The following HOMER3 variants were observed in gnomAD, a reference collection of about 807,000 sequenced individuals.
HOMER3 encodes the protein homer protein homolog 3.
A neutral mutation model predicts 45.5 loss-of-function variants in HOMER3; 34 were observed. The ratio of observed to expected loss-of-function variants is 0.75; its 90% CI spans 0.57 to 1.00. The LOEUF is 1.00. HOMER3 is among the 50% of genes least tolerant of loss of function. The pLI is 0.00. For missense variants in HOMER3, 480 were observed against 497.5 expected, an observed-to-expected ratio of 0.96 and a Z score of 0.33; for synonymous variants, 223 against 208.8, an observed-to-expected ratio of 1.07 and a Z score of -0.58.
chr19:18,929,502 G>C lies in HOMER3; in HGVS notation c.1027C>G (p.Leu343Val). The C allele has an allele frequency of 1.3e-6, 2 of 1,593,482 alleles. No homozygotes were observed. The highest frequency in any genetic ancestry group is 1.7e-6 in the Non-Finnish European group (2 of 1,172,292). Reference sequence around the variant, plus strand: ...TCACGCAGCTCACTCAGCTCAAACAGGCTGACGTCCAGCAGCTGCGCTGCC... The same window carrying C: ...TCACGCAGCTCACTCAGCTCAAACACGCTGACGTCCAGCAGCTGCGCTGCC... ...GRAAQLLDVS[L>V]FELSELREGL... is the part of the protein sequence containing the mutation. The change falls in exon 10 of 10, where the codon CTG becomes GTG. Residue 343 changes from leucine to valine, a missense_variant. By Grantham distance (32) the Leu-to-Val change is conservative (BLOSUM62 1). Coordinates refer to ENST00000392351, the MANE Select transcript of HOMER3 (RefSeq NM_004838.4).
Position 18,929,550 on chromosome 19 carries a change from G to A in HOMER3, c.979C>T (p.Arg327Trp), listed in dbSNP as rs1401306695. The A allele has an allele frequency of 4.5e-6, 7 of 1,554,196 alleles. No individual in the cohort carries two copies. The African/African-American group carries it at 5.4e-5, about 12-fold the overall frequency. The stretch of plus-strand genomic sequence containing the variant: ...GCCCGGCCCACCTCAGCCCGCGCCC[G>A]CTCCCGCTCTGCCCGTGCCTCCTCC... The part of the protein sequence containing the change: ...SLEEARAERE[R>W]ARAEVGRAAQ... The change falls in exon 10 of 10, where the codon CGG becomes TGG. Residue 327 changes from arginine (R) to tryptophan (W), a missense_variant. Arg to Trp is a moderately radical substitution (Grantham distance 101, BLOSUM62 -3). Transcript: ENST00000392351.
intron 4 of HOMER3, 128 bp downstream of exon 4, chr19:18,938,225 A>C (rs2057115099): frequency 9.5e-7 from 1 of 1,053,166 alleles, no homozygotes; most frequent in African/African-American, 1.6e-5. Context: ...TTCAGTCTCA[A>C]CTCATCCTAC....
chr19:18,938,755 G>A lies in HOMER3; in HGVS notation c.144C>T (p.Tyr48=). The change falls in exon 3 of 10, where the codon TAC becomes TAT. Residue 48 remains tyrosine (Y), a synonymous_variant. Transcript: ENST00000392351. ...TGGCGCCTCCGATGCTGATGATGCGGTACACATTGCGGGTGGCATCGTAGA... is the reference window on the plus strand; with the variant it reads ...TGGCGCCTCCGATGCTGATGATGCGATACACATTGCGGGTGGCATCGTAGA... The part of the protein sequence containing the change: ...SYFYDATRNV[Y]RIISIGGAKA... 6.3e-7 allele frequency: 1 copy of A among 1,598,524 alleles called. No individual in the cohort carries two copies. Among genetic ancestry groups the A allele is most frequent in the Non-Finnish European group, 8.5e-7 (1 of 1,172,870 alleles).
At position 18,929,335 on chromosome 19, in the gene HOMER3, T is replaced by G; in HGVS notation, c.*108A>C. On this transcript the variant is annotated 3_prime_UTR_variant, in exon 10 of 10. Transcript: ENST00000392351. ...CAGCCCGGCCCGGCCCACCCAGGGC[T>G]AAGTTGGGACCCCCCAGTCCCTTTC... 8.1e-7 allele frequency: 1 copy of G among 1,229,048 alleles called. No homozygotes were observed. The highest frequency in any genetic ancestry group is 1.2e-6 in the Non-Finnish European group (1 of 846,812). The allele number at this position is 1,229,048 out of a possible 1,614,324, so 76.1% of individuals were successfully genotyped here.
chr19:18,932,778 A>G (rs955913352), intron 6 of HOMER3, 146 bp downstream of exon 6: 50 of 597,868 alleles, frequency 8.4e-5, no homozygotes, highest in African/African-American at 3.7e-4. Flanking sequence ...TGGATGGGGC[A>G]GCATTCAGAT....
At chr19:18,937,532 C>G (rs1363588049) in intron 4 of HOMER3, among the ~76,000 whole-genome samples, 1 of 151,636 alleles carries the variant, frequency 6.6e-6, no homozygotes, top group South Asian at 2.1e-4. Context: ...ATTAGCTGGG[C>G]GAGGTGGTGG....
chr19:18,933,100 G>A, intron 5 of HOMER3, 55 bp from the exon 6 acceptor site: 1 of 1,423,952 alleles, frequency 7.0e-7, no homozygotes, highest in South Asian at 1.7e-5. Context: ...GATCAAGGCT[G>A]ATGTGACTGG....
At chr19:18,938,197 G>C (rs539669048) in intron 4 of HOMER3, among the ~76,000 whole-genome samples, 156 bp downstream of exon 4, 6 of 151,602 alleles carry the variant, frequency 4.0e-5, no homozygotes, top group Non-Finnish European at 7.4e-5. Flanking sequence ...GAATCAAACC[G>C]GGGAAGCTTA....
In HOMER3 at chr19:18,929,316, G is replaced by C; in HGVS notation, c.*127C>G. On this transcript the variant is annotated 3_prime_UTR_variant, in exon 10 of 10. Coordinates refer to ENST00000392351, the MANE Select transcript of HOMER3 (RefSeq NM_004838.4). ...ACTGGGGCCCACCCCAGCCCAGCCC[G>C]GCCCGGCCCACCCAGGGCTAAGTTG... 3.2e-4 allele frequency: 240 copies of C among 757,556 alleles called. No individual in the cohort carries two copies. The highest frequency in any genetic ancestry group is 4.6e-4 in the East Asian group (13 of 28,408). 46.9% of individuals were successfully genotyped at this position (757,556 alleles called of 1,614,324 possible).
At chr19:18,931,925 C>A (rs750559650) in intron 7 of HOMER3, 51 bp downstream of exon 7, 61 of 1,476,206 alleles carry the variant, frequency 4.1e-5, no homozygotes, top group Non-Finnish European at 5.1e-5. Context: ...GCGCGGTCTC[C>A]ACAGTTGCCC....
At position 18,931,972 on chromosome 19, in the gene HOMER3, T is replaced by C; in HGVS notation, c.690+4A>G. ...GGGTCTCTCGGAGGGAGGGGTGCCC[T>C]CACCCGCTGCCGCAGCCGCTCGGCC... On this transcript the variant is annotated splice_donor_region_variant and intron_variant, in intron 7 of 9. Transcript: ENST00000392351. The C allele has an allele frequency of 6.6e-7, 1 of 1,523,662 alleles. No homozygotes were observed. The highest frequency in any genetic ancestry group is 8.8e-7 in the Non-Finnish European group (1 of 1,135,066). The allele number at this position is 1,523,662 out of a possible 1,614,324, so 94.4% of individuals were successfully genotyped here.
chr19:18,930,533 A>G (rs1489184440), intron 9 of HOMER3, among the ~76,000 whole-genome samples: 1 of 147,184 alleles, frequency 6.8e-6, no homozygotes, highest in Non-Finnish European at 1.5e-5. Context: ...CTCCGTCTCA[A>G]AAAAAAAAAA....
intron 1 of HOMER3, chr19:18,939,782 C>T (rs1476291324): frequency 6.6e-6 from 1 of 152,338 alleles, no homozygotes; most frequent in African/African-American, 2.4e-5. Context: ...TACCAGGAGA[C>T]CAGTTCCCCA....
In HOMER3 at chr19:18,938,804, T is replaced by C. The variant is rs2057123137; in HGVS notation, c.95A>G (p.Lys32Arg). 2 of 1,600,552 alleles carry C rather than the reference T, an allele frequency of 1.2e-6. No homozygotes were observed. The highest frequency in any genetic ancestry group is 4.5e-5 in the East Asian group (2 of 44,462). ...GAAATAGGAGACAGTGAGTGCGTGC[T>C]TGCCCGCTGGGATCCAGTTTCGCTT... is the stretch of plus-strand genomic sequence containing the variant. ...ATKRNWIPAG[K>R]HALTVSYFYD... is the part of the protein sequence containing the mutation. Residue 32 changes from lysine (K) to arginine (R), a missense_variant, in exon 3 of 10, where the codon AAG (lysine) becomes AGG (arginine). Coordinates refer to ENST00000392351, the MANE Select transcript of HOMER3 (RefSeq NM_004838.4).
chr19:18,932,873 T>TCCCCCCCCCCCCCCCCCCC, intron 6 of HOMER3, 51 bp downstream of exon 6: 1 of 877,174 alleles, frequency 1.1e-6, no homozygotes, highest in Non-Finnish European at 1.6e-6. Flanking sequence ...CGCCTCCTCG[T>TCCCCCCCCCCCCCCCCCCC]CCCCCACCCC....
Position 18,932,909 on chromosome 19 carries a change from A to G in HOMER3, c.533+15T>C. ...TACCCCCGCCCCTGCCACGCCCCCAAGTCCCGCCCCTCACCCCTCAGACAA... is the reference window on the plus strand; with the variant it reads ...TACCCCCGCCCCTGCCACGCCCCCAGGTCCCGCCCCTCACCCCTCAGACAA... On this transcript the variant is annotated intron_variant, in intron 6 of 9. Coordinates refer to ENST00000392351, the MANE Select transcript of HOMER3 (RefSeq NM_004838.4). 1.1e-6 allele frequency: 1 copy of G among 881,716 alleles called. No individual in the cohort carries two copies. The highest frequency in any genetic ancestry group is 1.5e-6 in the Non-Finnish European group (1 of 660,318). 54.6% of individuals were successfully genotyped at this position (881,716 alleles called of 1,614,324 possible). A position where few individuals can be genotyped will look rare whatever the true frequency, so the allele number is the denominator to read the frequency against.
At chr19:18,937,264 T>C (rs1265650016) in intron 4 of HOMER3, among the ~76,000 whole-genome samples, 11 of 138,808 alleles carry the variant, frequency 7.9e-5, no homozygotes. Context: ...TGAGCCATGA[T>C]TGCACTGCTT....
Position 18,938,978 on chromosome 19 carries a change from G to A in HOMER3, c.5C>T (p.Ser2Phe). M[S>F]TAREQPIFST... ...GGAGGTGGGAGCTCACCTGGCTGTG[G>A]ACATTGGTCAGGCTGGGATGGGCAG... Residue 2 changes from serine (S) to phenylalanine (F), a missense_variant, in exon 2 of 10, where the codon TCC becomes TTC. Coordinates refer to ENST00000392351, the MANE Select transcript of HOMER3 (RefSeq NM_004838.4). 6.3e-7 allele frequency: 1 copy of A among 1,594,602 alleles called. No individual in the cohort carries two copies. The highest frequency in any genetic ancestry group is 8.5e-7 in the Non-Finnish European group (1 of 1,170,432).
At chr19:18,933,189 C>T in intron 5 of HOMER3, 144 bp from the exon 6 acceptor site, 1 of 1,027,406 alleles carries the variant, frequency 9.7e-7, no homozygotes, top group East Asian at 3.1e-5. Flanking sequence ...TGTGTCCCTC[C>T]CCACCTCACC....
Sources: gnomAD v4.1 joint callset for allele counts (sites outside exome capture counted in the v4.1 genomes callset) on GRCh38, gnomAD v4.1.1 for gene constraint, MANE v1.5 for transcripts, NCBI Gene and HGNC (gene_info 2026-07-23, HGNC 2026-07-21) for gene names.